Variants in ABTB2 observed in about 807,000 individuals in gnomAD.
ABTB2 encodes ankyrin repeat and BTB domain containing 2.
Under a neutral mutation model 104.1 loss-of-function variants are expected in ABTB2, and 56 were observed. The ratio of observed to expected loss-of-function variants is 0.54; its 90% CI spans 0.43 to 0.67. The LOEUF (loss-of-function observed/expected upper bound fraction) is 0.67, where lower values mean the gene tolerates loss of function less well. Among genes scored for constraint, ABTB2 ranks in the 30% least tolerant of loss-of-function variants. ABTB2 has a pLI of 0.00. For missense variants in ABTB2, 1,279 were observed against 1,407.7 expected, an observed-to-expected ratio of 0.91 and a Z score of 1.46; for synonymous variants, 606 against 608.2, an observed-to-expected ratio of 1.00 and a Z score of 0.05.
intron 1 of ABTB2, among the ~76,000 whole-genome samples, chr11:34,268,181 G>C (rs141217391): frequency 6.6e-6 from 1 of 152,306 alleles, no homozygotes; most frequent in African/African-American, 2.4e-5. Context: ...TGATCCACCT[G>C]TCTTGGGTTC....
intron 3 of ABTB2, among the ~76,000 whole-genome samples, chr11:34,186,092 C>T (rs569604091): frequency 3.9e-5 from 6 of 152,220 alleles, no homozygotes; most frequent in Non-Finnish European, 7.3e-5. Context: ...AAAGGTTTGC[C>T]TTGGGGCCCA....
At position 34,165,245 on chromosome 11, in the gene ABTB2, G is replaced by A. The variant is rs1456477811; in HGVS notation, c.1852+15C>T. The A allele has an allele frequency of 4.5e-6, 7 of 1,541,014 alleles. No homozygotes were observed. The highest frequency in any genetic ancestry group is 6.1e-6 in the Non-Finnish European group (7 of 1,141,732). On this transcript the variant is annotated intron_variant, in intron 8 of 16. Coordinates refer to ENST00000435224, the MANE Select transcript of ABTB2 (RefSeq NM_145804.3). ...AGGGAAGGGTAGACAGAGCCTCCGG[G>A]TAGCAGGTGCCTACCTGCCGCAGAG... is the stretch of plus-strand genomic sequence containing the variant.
At chr11:34,329,781 A>G (rs1196029475) in intron 1 of ABTB2, among the ~76,000 whole-genome samples, 1 of 152,232 alleles carries the variant, frequency 6.6e-6, no homozygotes, top group Non-Finnish European at 1.5e-5. Flanking sequence ...CCTCTGAGTC[A>G]AAGTGTACCT....
intron 1 of ABTB2, among the ~76,000 whole-genome samples, chr11:34,281,877 A>T (rs1457063108): frequency 5.9e-5 from 9 of 152,082 alleles, no homozygotes; most frequent in Non-Finnish European, 1.3e-4. Context: ...ATTTTGGTAC[A>T]GATGAAGTTC....
At chr11:34,265,660 A>AG (rs1374039070) in intron 1 of ABTB2, among the ~76,000 whole-genome samples, 70 of 136,302 alleles carry the variant, frequency 5.1e-4, no homozygotes, top group Admixed American at 1.7e-3. Flanking sequence ...CTCTGTCTCA[A>AG]GAAAAAAAAA....
chr11:34,307,801 C>T (rs570141936), intron 1 of ABTB2, among the ~76,000 whole-genome samples: 4 of 151,924 alleles, frequency 2.6e-5, no homozygotes, highest in African/African-American at 7.2e-5. Flanking sequence ...CGGGTTTAAG[C>T]GATTCTCCTG....
intron 1 of ABTB2, among the ~76,000 whole-genome samples, chr11:34,295,556 G>A (rs746437314): frequency 7.2e-5 from 11 of 152,340 alleles, no homozygotes; most frequent in Admixed American, 2.0e-4. Context: ...AGAGTGAGCT[G>A]GCTAGGGAAT....
At chr11:34,276,609 T>C (rs1049198577) in intron 1 of ABTB2, among the ~76,000 whole-genome samples, 41 of 152,198 alleles carry the variant, frequency 2.7e-4, no homozygotes, top group African/African-American at 9.2e-4. Context: ...ATTTCAAGTA[T>C]GGGTTTCAAT....
chr11:34,270,411 C>T (rs113570352), intron 1 of ABTB2, among the ~76,000 whole-genome samples: 2 of 150,250 alleles, frequency 1.3e-5, no homozygotes, highest in Non-Finnish European at 3.0e-5. Flanking sequence ...ACGATCTCGG[C>T]TCGCTGCAAC....
intron 1 of ABTB2, among the ~76,000 whole-genome samples, chr11:34,349,144 A>G (rs1337206850): frequency 6.6e-6 from 1 of 152,234 alleles, no homozygotes; most frequent in Non-Finnish European, 1.5e-5. Flanking sequence ...GTGTGTTTAC[A>G]TGACAGGCCA....
intron 1 of ABTB2, among the ~76,000 whole-genome samples, chr11:34,309,510 C>T (rs1034398878): frequency 3.3e-5 from 5 of 152,158 alleles, no homozygotes; most frequent in Non-Finnish European, 5.9e-5. Flanking sequence ...AGAGGAGAAA[C>T]GAAACTCATG....
intron 3 of ABTB2, among the ~76,000 whole-genome samples, chr11:34,179,513 A>G (rs555513941): frequency 6.6e-6 from 1 of 152,132 alleles, no homozygotes; most frequent in African/African-American, 2.4e-5. Flanking sequence ...TGAATCCTAG[A>G]GTGGTGTATG....
chr11:34,281,161 C>T (rs1351696031), intron 1 of ABTB2, among the ~76,000 whole-genome samples: 1 of 152,174 alleles, frequency 6.6e-6, no homozygotes, highest in Non-Finnish European at 1.5e-5. Context: ...CCTCCTGGCC[C>T]AGGAACATGC....
chr11:34,338,602 A>G (rs1342897631), intron 1 of ABTB2, among the ~76,000 whole-genome samples: 2 of 151,550 alleles, frequency 1.3e-5, no homozygotes, highest in Non-Finnish European at 2.9e-5. Context: ...GCTACTTGGG[A>G]GGCTGAGGTG....
chr11:34,229,867 C>T (rs1323763276), intron 1 of ABTB2, among the ~76,000 whole-genome samples: 1 of 152,204 alleles, frequency 6.6e-6, no homozygotes, highest in African/African-American at 2.4e-5. Flanking sequence ...TTACACCAAA[C>T]AGCATTTTCT....
intron 1 of ABTB2, among the ~76,000 whole-genome samples, chr11:34,309,856 T>C (rs1854829177): frequency 6.6e-6 from 1 of 152,338 alleles, no homozygotes; most frequent in African/African-American, 2.4e-5. Flanking sequence ...GTTATTGATT[T>C]GTGATATGTG....
intron 3 of ABTB2, among the ~76,000 whole-genome samples, chr11:34,196,185 C>T (rs569115252): frequency 1.4e-4 from 21 of 152,146 alleles, no homozygotes; most frequent in African/African-American, 4.6e-4. Context: ...ATGTTTGGTA[C>T]GAGTTATAAA....
intron 1 of ABTB2, among the ~76,000 whole-genome samples, chr11:34,294,882 T>A (rs1854602490): frequency 6.6e-6 from 1 of 152,022 alleles, no homozygotes; most frequent in Non-Finnish European, 1.5e-5. Context: ...CCCGGCTATT[T>A]TTTTTTAATT....
chr11:34,293,191 G>A (rs1854582744), intron 1 of ABTB2, among the ~76,000 whole-genome samples: 1 of 152,156 alleles, frequency 6.6e-6, no homozygotes, highest in Non-Finnish European at 1.5e-5. Context: ...TTTCAGCAGA[G>A]TAACTATAAA....
Sources: allele counts gnomAD v4.1 joint callset (sites outside exome capture counted in the v4.1 genomes callset), GRCh38; gene constraint gnomAD v4.1.1; transcripts MANE v1.5; gene names NCBI Gene and HGNC (gene_info 2026-07-23, HGNC 2026-07-21).